Variants in ZBTB7C observed in about 807,000 individuals in gnomAD.
ZBTB7C encodes zinc finger and BTB domain containing 7C, also known as zinc finger and BTB domain-containing protein 7C.
A neutral mutation model predicts 25.7 loss-of-function variants in ZBTB7C; 8 were observed. The observed-to-expected ratio is 0.31, with a 90% CI of 0.18 to 0.56. The LOEUF (loss-of-function observed/expected upper bound fraction) is 0.56, where lower values mean the gene tolerates loss of function less well. Ranked by LOEUF, ZBTB7C falls within the 20% of genes least tolerant of loss-of-function variation. ZBTB7C has a pLI of 0.91. For missense variants in ZBTB7C, 824 were observed against 855.2 expected, an observed-to-expected ratio of 0.96 and a Z score of 0.46; for synonymous variants, 394 against 369.0, an observed-to-expected ratio of 1.07 and a Z score of -0.78.
chr18:48,336,337 C>G (rs934900928), intron 2 of ZBTB7C, among the ~76,000 whole-genome samples: 1 of 152,234 alleles, frequency 6.6e-6, no homozygotes, highest in East Asian at 1.9e-4. Flanking sequence ...AGACTGTGAG[C>G]TTCTCCAAAA....
intron 3 of ZBTB7C, chr18:48,165,189 C>A: frequency 8.2e-7 from 1 of 1,224,848 alleles, no homozygotes; most frequent in Non-Finnish European, 1.1e-6. Flanking sequence ...GGTTCTTGTC[C>A]AAGGTCACAA....
intron 2 of ZBTB7C, among the ~76,000 whole-genome samples, chr18:48,276,230 T>A (rs80289330): frequency 6.6e-6 from 1 of 151,630 alleles, no homozygotes; most frequent in Admixed American, 6.6e-5. Flanking sequence ...TCCAGCTCTG[T>A]AAATAGCTAT....
intron 4 of ZBTB7C, among the ~76,000 whole-genome samples, chr18:48,033,094 C>G (rs527952155): frequency 1.3e-5 from 2 of 152,294 alleles, no homozygotes; most frequent in East Asian, 3.9e-4. Flanking sequence ...TGGCTTTAGG[C>G]AAGTTATTTA....
chr18:48,230,881 C>T (rs2043233228), intron 2 of ZBTB7C, among the ~76,000 whole-genome samples: 2 of 152,194 alleles, frequency 1.3e-5, no homozygotes, highest in South Asian at 4.1e-4. Flanking sequence ...TCTCCCTGCT[C>T]CTGGTGCCCA....
intron 1 of ZBTB7C, among the ~76,000 whole-genome samples, chr18:48,339,686 G>GAC (rs2046546790): frequency 2.0e-5 from 3 of 152,116 alleles, no homozygotes; most frequent in Admixed American, 2.0e-4. Context: ...GGAGGAGGGG[G>GAC]ACATTGGCCT....
At chr18:48,049,101 T>G (rs2036585527) in intron 3 of ZBTB7C, among the ~76,000 whole-genome samples, 1 of 152,192 alleles carries the variant, frequency 6.6e-6, no homozygotes. Flanking sequence ...AGTCTGATTT[T>G]TCACAAAAAG....
chr18:48,048,923 A>C (rs1456403727), intron 3 of ZBTB7C, among the ~76,000 whole-genome samples: 1 of 152,172 alleles, frequency 6.6e-6, no homozygotes, highest in Non-Finnish European at 1.5e-5. Context: ...TTTACAGATG[A>C]GAAAATTAGG....
At chr18:48,172,618 C>T (rs1159062351) in intron 3 of ZBTB7C, among the ~76,000 whole-genome samples, 2 of 152,370 alleles carry the variant, frequency 1.3e-5, no homozygotes, top group Middle Eastern at 3.4e-3. Flanking sequence ...ACTGACGTGA[C>T]CCACGGGGCC....
At chr18:48,232,855 T>C (rs1021896599) in intron 2 of ZBTB7C, among the ~76,000 whole-genome samples, 6 of 152,140 alleles carry the variant, frequency 3.9e-5, no homozygotes, top group Admixed American at 6.5e-5. Context: ...GTACAATTCA[T>C]TGAGAACAGA....
At chr18:48,094,502 C>G (rs577102575) in intron 3 of ZBTB7C, among the ~76,000 whole-genome samples, 37 of 152,258 alleles carry the variant, frequency 2.4e-4, no homozygotes, top group African/African-American at 8.4e-4. Context: ...TGGACATCAG[C>G]TTTCATCCTG....
intron 2 of ZBTB7C, among the ~76,000 whole-genome samples, chr18:48,205,236 C>T (rs573792568): frequency 1.3e-5 from 2 of 152,148 alleles, no homozygotes; most frequent in South Asian, 4.2e-4. Flanking sequence ...TCTAGCAAGG[C>T]TGCTAGACAA....
intron 2 of ZBTB7C, among the ~76,000 whole-genome samples, chr18:48,199,699 C>A (rs1172053525): frequency 1.3e-5 from 2 of 151,734 alleles, no homozygotes; most frequent in Non-Finnish European, 1.5e-5. Flanking sequence ...CTCTTTCTCT[C>A]TGTCTCCTGT....
intron 3 of ZBTB7C, among the ~76,000 whole-genome samples, chr18:48,104,998 A>G (rs2038979447): frequency 6.6e-6 from 1 of 152,208 alleles, no homozygotes; most frequent in Non-Finnish European, 1.5e-5. Context: ...AGTGCTCACC[A>G]TTGGAAACAT....
At chr18:48,201,241 C>T (rs957521175) in intron 2 of ZBTB7C, among the ~76,000 whole-genome samples, 1 of 152,184 alleles carries the variant, frequency 6.6e-6, no homozygotes, top group Non-Finnish European at 1.5e-5. Flanking sequence ...GAAGGAGAAT[C>T]ACCTACTTTA....
chr18:48,217,975 C>G (rs1168883748), intron 2 of ZBTB7C, among the ~76,000 whole-genome samples: 1 of 152,120 alleles, frequency 6.6e-6, no homozygotes, highest in African/African-American at 2.4e-5. Context: ...GTAGACAGAC[C>G]ACAGCAAAGG....
At chr18:48,357,353 C>T (rs766119871) in intron 1 of ZBTB7C, among the ~76,000 whole-genome samples, 4 of 152,162 alleles carry the variant, frequency 2.6e-5, no homozygotes, top group Non-Finnish European at 5.9e-5. Flanking sequence ...CAGCCAGGCC[C>T]GGGAGAAACA....
At chr18:48,203,493 A>C (rs998241266) in intron 2 of ZBTB7C, 1 of 152,264 alleles carries the variant, frequency 6.6e-6, no homozygotes, top group African/African-American at 2.4e-5. Flanking sequence ...GCAGTGCAAA[A>C]GAATGGACTT....
intron 2 of ZBTB7C, among the ~76,000 whole-genome samples, chr18:48,246,723 A>C (rs1460638295): frequency 2.0e-5 from 3 of 152,112 alleles, no homozygotes; most frequent in African/African-American, 7.2e-5. Context: ...AAAACTTAAA[A>C]GGATGAGACA....
intron 2 of ZBTB7C, among the ~76,000 whole-genome samples, chr18:48,305,837 GC>G (rs1390089721): frequency 6.6e-6 from 1 of 152,158 alleles, no homozygotes; most frequent in Non-Finnish European, 1.5e-5. Flanking sequence ...CAGGTCACTT[GC>G]CTACTCCCCT....
Sources: allele counts gnomAD v4.1 joint callset (sites outside exome capture counted in the v4.1 genomes callset), GRCh38; gene constraint gnomAD v4.1.1; transcripts MANE v1.5; gene names NCBI Gene and HGNC (gene_info 2026-07-23, HGNC 2026-07-21).